The following PHF21A variants were observed in gnomAD, a reference collection of about 807,000 sequenced individuals.
The protein encoded by PHF21A is PHD finger protein 21A.
Under a neutral mutation model 82.5 loss-of-function variants are expected in PHF21A, and 11 were observed. The observed-to-expected ratio is 0.13, with a 90% CI of 0.08 to 0.22. PHF21A has a LOEUF of 0.22. Ranked by LOEUF, PHF21A falls within the 10% of genes least tolerant of loss-of-function variation. PHF21A has a pLI of 1.00. For synonymous variants in PHF21A, 297 were observed against 302.8 expected (o/e 0.98, Z 0.20); for missense variants, 579 against 837.8 (o/e 0.69, Z 3.81).
intron 6 of PHF21A, among the ~76,000 whole-genome samples, chr11:46,052,570 A>G (rs2096384891): frequency 6.6e-6 from 1 of 152,210 alleles, no homozygotes; most frequent in African/African-American, 2.4e-5. Context: ...AAAACTGCTA[A>G]GTACTACACA....
chr11:45,948,844 A>G (rs547405449), intron 14 of PHF21A, 42 bp downstream of exon 14: 1 of 1,487,428 alleles, frequency 6.7e-7, no homozygotes, highest in African/African-American at 1.4e-5. Flanking sequence ...CACACAAAGC[A>G]AAAGCAACAG....
chr11:46,086,107 T>C (rs980524151), intron 3 of PHF21A, among the ~76,000 whole-genome samples: 12 of 151,958 alleles, frequency 7.9e-5, no homozygotes, highest in African/African-American at 2.7e-4. Context: ...CAAATCTGGG[T>C]AGTTTTAGCT....
intron 6 of PHF21A, among the ~76,000 whole-genome samples, chr11:46,000,499 C>CAGCTTTA (rs76159872): frequency 0.12 from 18,299 of 152,192 alleles, 1,298 homozygotes; most frequent in African/African-American, 0.21. Context: ...TAATTTTAAA[C>CAGCTTTA]AGCTTTAAAG....
intron 6 of PHF21A, among the ~76,000 whole-genome samples, chr11:46,072,269 T>C (rs1054418464): frequency 1.3e-5 from 2 of 152,222 alleles, no homozygotes; most frequent in South Asian, 4.1e-4. Flanking sequence ...CAGACTTCCT[T>C]GCTCCTAGCA....
At chr11:46,045,200 C>T (rs1458941341) in intron 6 of PHF21A, among the ~76,000 whole-genome samples, 1 of 152,184 alleles carries the variant, frequency 6.6e-6, no homozygotes, top group Non-Finnish European at 1.5e-5. Context: ...TTCTTGCTTT[C>T]TCTCTTCTCA....
chr11:45,954,399 T>C (rs920090938), intron 10 of PHF21A, among the ~76,000 whole-genome samples: 1 of 152,098 alleles, frequency 6.6e-6, no homozygotes, highest in African/African-American at 2.4e-5. Context: ...TCGGAACAAT[T>C]CCAGTCATAA....
intron 12 of PHF21A, 37 bp from the exon 13 acceptor site, chr11:45,949,518 A>G: frequency 1.3e-6 from 2 of 1,529,874 alleles, no homozygotes; most frequent in Non-Finnish European, 1.8e-6. Flanking sequence ...GCAGAGAGGC[A>G]TGGAGAACCT....
intron 6 of PHF21A, among the ~76,000 whole-genome samples, chr11:46,031,721 G>C (rs959601931): frequency 6.6e-6 from 1 of 152,040 alleles, no homozygotes; most frequent in Non-Finnish European, 1.5e-5. Flanking sequence ...TTTTCCTCTG[G>C]CTTTGTCTGT....
intron 6 of PHF21A, among the ~76,000 whole-genome samples, chr11:46,070,033 A>C (rs1048146447): frequency 1.3e-5 from 2 of 152,234 alleles, no homozygotes; most frequent in Admixed American, 1.3e-4. Context: ...AATAATTAAA[A>C]TCTATCAACA....
Position 46,084,020 on chromosome 11 carries a change from T to C in PHF21A, c.54+146A>G, listed in dbSNP as rs1041017235. ...AAGCAGTATCTATGACTTTGTCGAG[T>C]AGTGGTAAAAGGCAAACGACATGAC... On this transcript the variant is annotated intron_variant, in intron 4 of 18. Coordinates refer to ENST00000676320, the MANE Select transcript of PHF21A (RefSeq NM_001352027.3). The C allele has an allele frequency of 2.9e-5, 15 of 514,884 alleles. 1 individual carries two copies. The highest frequency in any genetic ancestry group is 3.8e-4 in the Middle Eastern group (1 of 2,614). The allele number at this position is 514,884 out of a possible 1,614,324, so 31.9% of individuals were successfully genotyped here.
chr11:45,945,934 T>C lies in PHF21A; in HGVS notation c.1358A>G (p.His453Arg), dbSNP rs747548124. Residue 453 changes from histidine (H) to arginine (R), a missense_variant, in exon 15 of 19, where the codon CAT (histidine) becomes CGT (arginine). Transcript: ENST00000676320. ...CTTTTCATTTTCAGGGGAGTCAGGA[T>C]GACTGGATTGGGGGGATGTTGGGGT... is the stretch of plus-strand genomic sequence containing the variant. ...ALTPTSPQSS[H>R]PDSPENEKTE... The C allele has an allele frequency of 6.2e-7, 1 of 1,613,326 alleles. No individual in the cohort carries two copies.
chr11:46,117,995 C>G (rs376077902), intron 1 of PHF21A: 2 of 152,180 alleles, frequency 1.3e-5, no homozygotes, highest in South Asian at 2.1e-4. Context: ...TAATAAGTAG[C>G]AAGACCCTCA....
chr11:46,052,579 C>T (rs2096385085), intron 6 of PHF21A, among the ~76,000 whole-genome samples: 1 of 150,980 alleles, frequency 6.6e-6, no homozygotes, highest in African/African-American at 2.4e-5. Flanking sequence ...AAGTACTACA[C>T]AGGAGCTAAC....
intron 1 of PHF21A, among the ~76,000 whole-genome samples, chr11:46,110,652 T>G (rs1229608250): frequency 6.6e-6 from 1 of 152,238 alleles, no homozygotes; most frequent in African/African-American, 2.4e-5. Flanking sequence ...TATTTCATTT[T>G]AATATTAGGT....
In PHF21A at chr11:45,971,271, T is replaced by C; in HGVS notation, c.457A>G (p.Arg153Gly). 1 of 1,614,164 alleles carries C rather than the reference T, an allele frequency of 6.2e-7. No individual in the cohort carries two copies. The highest frequency in any genetic ancestry group is 8.5e-7 in the Non-Finnish European group (1 of 1,180,010). ...ATMPASVVGQ[R>G]PTIAMVTAIN... ...GCGGTCACCATAGCAATGGTAGGTCTCTGGCCCACCACAGAGGCAGGCATG... is the reference window on the plus strand; with the variant it reads ...GCGGTCACCATAGCAATGGTAGGTCCCTGGCCCACCACAGAGGCAGGCATG... Residue 153 changes from arginine (R) to glycine (G), a missense_variant, in exon 8 of 19, where the codon AGA (arginine) becomes GGA (glycine). Physicochemically the swap from Arg to Gly is moderately radical, Grantham distance 125. This residue lies in a region of PHF21A where 410 missense variants were observed against 642.1 expected (regional missense o/e 0.64). Coordinates refer to ENST00000676320, the MANE Select transcript of PHF21A (RefSeq NM_001352027.3).
intron 6 of PHF21A, among the ~76,000 whole-genome samples, chr11:46,008,073 G>A (rs145831781): frequency 3.3e-5 from 5 of 152,300 alleles, no homozygotes; most frequent in South Asian, 2.1e-4. Flanking sequence ...AAATTAACAC[G>A]AAGTGAAGTT....
At chr11:46,062,274 T>C (rs1337322192) in intron 6 of PHF21A, among the ~76,000 whole-genome samples, 1 of 152,070 alleles carries the variant, frequency 6.6e-6, no homozygotes, top group Non-Finnish European at 1.5e-5. Context: ...CTTATATTAG[T>C]TATTGGCTGG....
chr11:46,027,995 C>G (rs1037703285), intron 6 of PHF21A, among the ~76,000 whole-genome samples: 4 of 152,054 alleles, frequency 2.6e-5, no homozygotes, highest in African/African-American at 7.2e-5. Flanking sequence ...TTCACTACAG[C>G]CTAATAATAC....
At chr11:46,048,475 A>G (rs968269716) in intron 6 of PHF21A, among the ~76,000 whole-genome samples, 15 of 152,156 alleles carry the variant, frequency 9.9e-5, no homozygotes, top group African/African-American at 3.6e-4. Context: ...CCATGTAGAA[A>G]TTTTTGTTTG....
Sources: gnomAD v4.1 joint callset for allele counts (sites outside exome capture counted in the v4.1 genomes callset) on GRCh38, gnomAD v4.1.1 for gene constraint, gnomAD v4.1.1 regional missense constraint, MANE v1.5 for transcripts, NCBI Gene and HGNC (gene_info 2026-07-23, HGNC 2026-07-21) for gene names.